Variants in IQCJ observed in about 807,000 individuals in gnomAD.
IQCJ encodes the protein IQ motif containing J.
IQCJ carries 9 observed loss-of-function variants against 11.0 expected under a neutral mutation model. The ratio of observed to expected loss-of-function variants is 0.82; its 90% CI spans 0.49 to 1.43. IQCJ has a LOEUF of 1.43. Ranked by LOEUF, IQCJ falls within the 40% of genes most tolerant of loss-of-function variation. The pLI is 0.00. For missense variants in IQCJ, 146 were observed against 133.2 expected, an observed-to-expected ratio of 1.10 and a Z score of -0.47; for synonymous variants, 55 against 51.3, an observed-to-expected ratio of 1.07 and a Z score of -0.31.
At chr3:159,095,352 T>A (rs542809694) in intron 1 of IQCJ, among the ~76,000 whole-genome samples, 1 of 151,572 alleles carries the variant, frequency 6.6e-6, no homozygotes, top group Non-Finnish European at 1.5e-5. Flanking sequence ...GAGGAAAATT[T>A]ATTTTATTTT....
At chr3:159,228,526 C>T (rs1222079462) in intron 1 of IQCJ, among the ~76,000 whole-genome samples, 1 of 151,924 alleles carries the variant, frequency 6.6e-6, no homozygotes, top group Non-Finnish European at 1.5e-5. Context: ...CGCGGTGGCT[C>T]ACGCCTGTAA....
chr3:159,243,013 G>C (rs1315709232), intron 1 of IQCJ, among the ~76,000 whole-genome samples: 1 of 152,104 alleles, frequency 6.6e-6, no homozygotes, highest in Non-Finnish European at 1.5e-5. Context: ...AACATTATTA[G>C]TTATCAGAGA....
chr3:159,156,644 A>G (rs1721537084), intron 1 of IQCJ, among the ~76,000 whole-genome samples: 1 of 152,158 alleles, frequency 6.6e-6, no homozygotes, highest in African/African-American at 2.4e-5. Context: ...ACACTAAGGC[A>G]TTTCTGGAGA....
intron 1 of IQCJ, among the ~76,000 whole-genome samples, chr3:159,207,337 A>G (rs1724709274): frequency 1.3e-5 from 2 of 152,304 alleles, no homozygotes; most frequent in South Asian, 4.1e-4. Flanking sequence ...TCAACTGTAT[A>G]TAGTCATGAA....
intron 1 of IQCJ, among the ~76,000 whole-genome samples, chr3:159,148,480 A>G (rs960276473): frequency 6.6e-5 from 10 of 152,240 alleles, no homozygotes; most frequent in Admixed American, 6.5e-5. Context: ...CAAAGTAAAA[A>G]CTTCATTTGG....
chr3:159,117,470 T>C (rs948145490), intron 1 of IQCJ, among the ~76,000 whole-genome samples: 5 of 152,230 alleles, frequency 3.3e-5, no homozygotes, highest in African/African-American at 1.2e-4. Context: ...CTTTCACTTA[T>C]TTAATCATTT....
chr3:159,090,224 G>C (rs149715960), intron 1 of IQCJ, among the ~76,000 whole-genome samples: 2,122 of 151,690 alleles, frequency 0.014, 45 homozygotes, highest in Middle Eastern at 0.054. Context: ...CTCCCGGTTA[G>C]GCTGCTCGGG....
At chr3:159,168,674 T>C (rs1336968403) in intron 1 of IQCJ, among the ~76,000 whole-genome samples, 3 of 152,176 alleles carry the variant, frequency 2.0e-5, no homozygotes, top group Non-Finnish European at 4.4e-5. Flanking sequence ...CTACCCCCCA[T>C]TGTTAATGAA....
intron 1 of IQCJ, among the ~76,000 whole-genome samples, chr3:159,082,172 G>T (rs61795965): frequency 0.19 from 29,251 of 151,886 alleles, 3,491 homozygotes; most frequent in South Asian, 0.35. Context: ...TAGAGAAGAA[G>T]AATAAATAAC....
intron 1 of IQCJ, among the ~76,000 whole-genome samples, chr3:159,178,977 C>T (rs991589131): frequency 5.3e-5 from 8 of 152,068 alleles, no homozygotes; most frequent in Admixed American, 5.2e-4. Context: ...TGTGTGCGCA[C>T]ATGCATATAA....
chr3:159,238,661 C>T (rs906566474), intron 1 of IQCJ, among the ~76,000 whole-genome samples: 1 of 152,032 alleles, frequency 6.6e-6, no homozygotes, highest in Non-Finnish European at 1.5e-5. Flanking sequence ...GGGTGGGGTA[C>T]CCAACTTTCT....
chr3:159,194,471 T>A (rs1372121956), intron 1 of IQCJ, among the ~76,000 whole-genome samples: 5 of 151,746 alleles, frequency 3.3e-5, no homozygotes, highest in African/African-American at 1.2e-4. Context: ...AGCCCAACAC[T>A]GTTGTTCTAT....
intron 1 of IQCJ, among the ~76,000 whole-genome samples, chr3:159,112,116 A>G (rs1415826760): frequency 6.6e-6 from 1 of 152,108 alleles, no homozygotes; most frequent in African/African-American, 2.4e-5. Flanking sequence ...ATAAATCCTC[A>G]TGATATGAGG....
intron 1 of IQCJ, among the ~76,000 whole-genome samples, chr3:159,130,111 T>G (rs936432433): frequency 6.6e-6 from 1 of 152,174 alleles, no homozygotes; most frequent in African/African-American, 2.4e-5. Context: ...TCTGGGAACC[T>G]CTAATCTTTT....
intron 1 of IQCJ, among the ~76,000 whole-genome samples, chr3:159,233,243 C>T (rs1011705345): frequency 1.3e-5 from 2 of 152,078 alleles, no homozygotes; most frequent in African/African-American, 4.8e-5. Flanking sequence ...TCACACAGAA[C>T]TTGGTATGAA....
intron 1 of IQCJ, among the ~76,000 whole-genome samples, chr3:159,128,221 G>T (rs937170963): frequency 3.3e-5 from 5 of 152,138 alleles, no homozygotes; most frequent in Non-Finnish European, 7.4e-5. Flanking sequence ...GATTACCAGA[G>T]AATACATTCA....
chr3:159,241,183 G>T (rs1382437637), intron 1 of IQCJ, among the ~76,000 whole-genome samples: 1 of 152,008 alleles, frequency 6.6e-6, no homozygotes, highest in Non-Finnish European at 1.5e-5. Flanking sequence ...GCCGAGGCAG[G>T]CGGATCATGA....
intron 1 of IQCJ, among the ~76,000 whole-genome samples, chr3:159,109,139 T>C (rs1186807490): frequency 6.6e-6 from 1 of 152,180 alleles, no homozygotes; most frequent in African/African-American, 2.4e-5. Context: ...GGAACCCAGG[T>C]TGAATAAATC....
chr3:159,072,483 A>T (rs1055966091), intron 1 of IQCJ, among the ~76,000 whole-genome samples: 3 of 152,028 alleles, frequency 2.0e-5, no homozygotes, highest in Admixed American at 6.6e-5. Flanking sequence ...AATCAAATTT[A>T]AAAAAAATTA....
Sources: allele counts gnomAD v4.1 joint callset (sites outside exome capture counted in the v4.1 genomes callset), GRCh38; gene constraint gnomAD v4.1.1; transcripts MANE v1.5; gene names NCBI Gene and HGNC (gene_info 2026-07-23, HGNC 2026-07-21).